WTIP: variants seen among roughly 807,000 people sequenced by gnomAD.
The protein encoded by WTIP is Wilms tumor protein 1-interacting protein.
Under a neutral mutation model 41.7 loss-of-function variants are expected in WTIP, and 23 were observed. The ratio of observed to expected loss-of-function variants is 0.55; its 90% CI spans 0.40 to 0.78. WTIP has a LOEUF of 0.78. WTIP is among the 30% of genes least tolerant of loss of function. The probability of loss-of-function intolerance (pLI) is 0.00; values close to 1 mark genes in which losing one functional copy is unlikely to be tolerated. For synonymous variants in WTIP, 314 were observed against 269.9 expected, an observed-to-expected ratio of 1.16 and a Z score of -1.60; for missense variants, 619 against 610.5, an observed-to-expected ratio of 1.01 and a Z score of -0.15.
At chr19:34,487,354 G>A (rs981942485) in intron 1 of WTIP, among the ~76,000 whole-genome samples, 2 of 152,136 alleles carry the variant, frequency 1.3e-5, no homozygotes, top group South Asian at 2.1e-4. Flanking sequence ...AACCCTCCTC[G>A]GCCTCCGAAA....
chr19:34,485,595 ATT>A (rs780006743), intron 1 of WTIP, among the ~76,000 whole-genome samples: 14 of 142,774 alleles, frequency 9.8e-5, no homozygotes, highest in South Asian at 2.3e-4. Flanking sequence ...TTTTAAATTA[ATT>A]TTTTTTTTTT....
rs969738430 is a variant in WTIP at position 34,482,739 on chromosome 19, C to T, written c.667+98C>T. ...GCGGCCGGATCAGCGGAGGAGAGCA[C>T]GGGGCTGGCTGGGGGTGCAGCAGTG... On this transcript the variant is annotated intron_variant, in intron 1 of 7. Transcript: ENST00000590071. 5.8e-6 allele frequency: 7 copies of T among 1,200,800 alleles called. No homozygotes were observed. The Admixed American group carries it at 2.2e-4, about 38-fold the overall frequency. The allele number at this position is 1,200,800 out of a possible 1,614,324, so 74.4% of individuals were successfully genotyped here.
At position 34,493,806 on chromosome 19, in the gene WTIP, G is replaced by A. The variant is rs370701666; in HGVS notation, c.1031+184G>A. 5.3e-4 allele frequency among the ~76,000 whole-genome samples: 81 copies of A among 152,032 alleles called. No individual in the cohort carries two copies. In the East Asian group the frequency reaches 7.0e-3, roughly 13 times the overall value. On this transcript the variant is annotated intron_variant, in intron 5 of 7. Transcript: ENST00000590071. The surrounding 1 kb of genome is among the most constrained non-coding windows in gnomAD (Gnocchi z 4.1). ...CCTGCATCCCCTCTCCTGGTGGTCCGGCCACCAGCTGTCTTTTGCCTCTTC... is the reference window on the plus strand; with the variant it reads ...CCTGCATCCCCTCTCCTGGTGGTCCAGCCACCAGCTGTCTTTTGCCTCTTC...
rs2075899670 is a variant in WTIP at position 34,503,855 on chromosome 19, G to C, written c.*3586G>C. The C allele has an allele frequency of 6.6e-6, 1 of 152,332 alleles. No homozygotes were observed. The highest frequency in any genetic ancestry group is 2.4e-5 in the African/African-American group (1 of 41,416). The allele number at this position is 152,332 out of a possible 1,614,324, so 9.4% of individuals were successfully genotyped here. On this transcript the variant is annotated 3_prime_UTR_variant, in exon 8 of 8. Transcript: ENST00000590071. ...GTTGCCTAGTGAAGGATCCACAGTG[G>C]GTACATAAAGGGCCAAGCGCTGTCC...
intron 1 of WTIP, among the ~76,000 whole-genome samples, chr19:34,486,718 A>AC (rs940624856): frequency 2.0e-5 from 3 of 151,376 alleles, no homozygotes; most frequent in African/African-American, 4.9e-5. Flanking sequence ...CCCTCCTGGG[A>AC]CCCCTACCTT....
Position 34,495,763 on chromosome 19 carries a change from C to T in WTIP, c.1144C>T (p.His382Tyr). ...CAGAGACTACCACGTGGCATGTTACCACTGTGAGGTGAGCCTGGGCCCACA... is the reference window on the plus strand; with the variant it reads ...CAGAGACTACCACGTGGCATGTTACTACTGTGAGGTGAGCCTGGGCCCACA... Reference protein sequence around the residue: ...MDRDYHVACYHCEDCGLQLSG... With the variant: ...MDRDYHVACYYCEDCGLQLSG... Residue 382 changes from histidine (H) to tyrosine (Y), a missense_variant, in exon 7 of 8, where the codon CAC (histidine) becomes TAC (tyrosine). Transcript: ENST00000590071. The T allele has an allele frequency of 1.2e-6, 2 of 1,613,762 alleles. No homozygotes were observed. Among genetic ancestry groups the T allele is most frequent in the Non-Finnish European group, 8.5e-7 (1 of 1,179,944 alleles).
intron 1 of WTIP, among the ~76,000 whole-genome samples, chr19:34,488,373 C>T (rs761139319): frequency 6.6e-6 from 1 of 151,558 alleles, no homozygotes; most frequent in Non-Finnish European, 1.5e-5. Flanking sequence ...TGTGCCTGGC[C>T]TCTTCTTTTT....
chr19:34,486,344 G>A (rs1156770448), intron 1 of WTIP, among the ~76,000 whole-genome samples: 5 of 151,150 alleles, frequency 3.3e-5, no homozygotes, highest in Non-Finnish European at 7.4e-5. Context: ...TGTCACCACT[G>A]ACACCCTAAG....
At chr19:34,483,224 A>G (rs1427348570) in intron 1 of WTIP, among the ~76,000 whole-genome samples, 5 of 121,688 alleles carry the variant, frequency 4.1e-5, no homozygotes, top group Non-Finnish European at 6.5e-5. Flanking sequence ...GAGTCTCCCT[A>G]TGTTGCCCAG....
At chr19:34,497,978 G>A (rs930200552) in intron 7 of WTIP, among the ~76,000 whole-genome samples, 8 of 152,142 alleles carry the variant, frequency 5.3e-5, no homozygotes, top group East Asian at 1.9e-4. Context: ...GTGCTGCCGC[G>A]AGGCTGTTGG....
intron 7 of WTIP, among the ~76,000 whole-genome samples, chr19:34,499,666 C>A (rs947541839): frequency 6.6e-6 from 1 of 151,926 alleles, no homozygotes; most frequent in Non-Finnish European, 1.5e-5. Context: ...TGCTCCACGC[C>A]GGGCTTCCCA....
intron 2 of WTIP, among the ~76,000 whole-genome samples, chr19:34,492,640 G>C (rs1467100703): frequency 7.0e-6 from 1 of 143,224 alleles, no homozygotes; most frequent in Non-Finnish European, 1.5e-5. Context: ...AGTGAGCCAA[G>C]ATCACGCCAC....
At chr19:34,495,620 G>A (rs529589255) in intron 6 of WTIP, 83 bp from the exon 7 acceptor site, 45 of 1,505,250 alleles carry the variant, frequency 3.0e-5, no homozygotes, top group East Asian at 2.5e-4. Context: ...GGACAGGAGC[G>A]TGGTGTGTGG....
chr19:34,482,785 G>A, intron 1 of WTIP, 144 bp downstream of exon 1: 4 of 1,201,838 alleles, frequency 3.3e-6, no homozygotes, highest in Non-Finnish European at 3.1e-6. Flanking sequence ...GGACGAGGAA[G>A]GTGCATCCCC....
Position 34,503,319 on chromosome 19 carries a change from G to A in WTIP, c.*3050G>A, listed in dbSNP as rs1431569161. 5.1e-5 allele frequency: 6 copies of A among 118,262 alleles called. No individual in the cohort carries two copies. Among genetic ancestry groups the A allele is most frequent in the Admixed American group, 2.5e-4 (3 of 11,946 alleles). The allele number at this position is 118,262 out of a possible 1,614,324, so 7.3% of individuals were successfully genotyped here. The stretch of plus-strand genomic sequence containing the variant: ...CCCTCCGTGGGAGCCACTCTCCCGG[G>A]GTTTCTTCCTCTATGAAGAAACCTT... On this transcript the variant is annotated 3_prime_UTR_variant, in exon 8 of 8. Coordinates refer to ENST00000590071, the MANE Select transcript of WTIP (RefSeq NM_001080436.2).
intron 1 of WTIP, among the ~76,000 whole-genome samples, chr19:34,489,794 C>T (rs530648994): frequency 6.6e-6 from 1 of 152,216 alleles, no homozygotes; most frequent in African/African-American, 2.4e-5. Flanking sequence ...ATCAGCCGTG[C>T]GTGATGGCAT....
At position 34,511,683 on chromosome 19, in the gene WTIP, A is replaced by G. The variant is rs529419952; in HGVS notation, c.*11414A>G. On this transcript the variant is annotated 3_prime_UTR_variant, in exon 8 of 8. Coordinates refer to ENST00000590071, the MANE Select transcript of WTIP (RefSeq NM_001080436.2). ...TCCCGCATCCTTACCAACCCTAGGTATTGCCAATAAGAAAACAAAGTCTGT... is the reference window on the plus strand; with the variant it reads ...TCCCGCATCCTTACCAACCCTAGGTGTTGCCAATAAGAAAACAAAGTCTGT... The G allele has an allele frequency of 6.6e-5, 10 of 152,298 alleles. No homozygotes were observed. The highest frequency in any genetic ancestry group is 2.1e-4 in the South Asian group (1 of 4,822). 9.4% of individuals were successfully genotyped at this position (152,298 alleles called of 1,614,324 possible).
At chr19:34,488,075 C>CTT (rs1336174285) in intron 1 of WTIP, among the ~76,000 whole-genome samples, 2 of 148,168 alleles carry the variant, frequency 1.3e-5, no homozygotes, top group Non-Finnish European at 1.5e-5. Flanking sequence ...TGTCTGCTTC[C>CTT]TTTTTTTTTT....
At chr19:34,495,389 C>A (rs1033370769) in intron 6 of WTIP, among the ~76,000 whole-genome samples, 2 of 151,858 alleles carry the variant, frequency 1.3e-5, no homozygotes, top group Non-Finnish European at 2.9e-5. Flanking sequence ...AGAGAGAGAC[C>A]CTGTCTCTTA....
Sources: gnomAD v4.1 joint callset for allele counts (sites outside exome capture counted in the v4.1 genomes callset) on GRCh38, gnomAD v4.1.1 for gene constraint, Gnocchi (gnomAD v3.1) non-coding constraint, MANE v1.5 for transcripts, NCBI Gene and HGNC (gene_info 2026-07-23, HGNC 2026-07-21) for gene names.